METTL15: variants seen among roughly 807,000 people sequenced by gnomAD.
METTL15 encodes 12S rRNA N(4)-cytidine methyltransferase METTL15.
METTL15 carries 34 observed loss-of-function variants against 38.3 expected under a neutral mutation model. That is an observed-to-expected ratio of 0.89 (90% CI 0.68 to 1.18). The LOEUF (loss-of-function observed/expected upper bound fraction) is 1.18, where lower values mean the gene tolerates loss of function less well. Among genes scored for constraint, METTL15 ranks in the 50% most tolerant of loss-of-function variants. METTL15 has a pLI of 0.00. For missense variants in METTL15, 438 were observed against 498.4 expected (o/e 0.88, Z 1.15); for synonymous variants, 162 against 170.9 (o/e 0.95, Z 0.41).
intron 6 of METTL15, among the ~76,000 whole-genome samples, chr11:28,480,988 A>C (rs1331376219): frequency 6.6e-6 from 1 of 152,186 alleles, no homozygotes; most frequent in Non-Finnish European, 1.5e-5. Context: ...TCAAGAAGGT[A>C]ATGTTTAGGC....
At chr11:28,492,520 C>CCA (rs34573735) in intron 6 of METTL15, among the ~76,000 whole-genome samples, 119,223 of 147,086 alleles carry the variant, frequency 0.81, 49,532 homozygotes, top group Non-Finnish European at 0.92. Flanking sequence ...GCAACTGGAG[C>CCA]CACACACACA....
chr11:28,449,527 A>T (rs1256590598), intron 6 of METTL15, among the ~76,000 whole-genome samples: 1 of 152,212 alleles, frequency 6.6e-6, no homozygotes, highest in African/African-American at 2.4e-5. Context: ...GTTAATGTTT[A>T]TGAACCTTCT....
intron 6 of METTL15, among the ~76,000 whole-genome samples, chr11:28,504,881 G>C (rs574806132): frequency 6.6e-6 from 1 of 152,332 alleles, no homozygotes; most frequent in East Asian, 1.9e-4. Context: ...TCTCTGGCTA[G>C]TATAGAGCTG....
intron 6 of METTL15, among the ~76,000 whole-genome samples, chr11:28,514,432 G>T (rs1442154943): frequency 6.6e-6 from 1 of 152,210 alleles, no homozygotes; most frequent in African/African-American, 2.4e-5. Flanking sequence ...AAAAGAGAAT[G>T]CTAAGGAAAT....
chr11:28,244,570 G>A (rs1651756047), intron 4 of METTL15, among the ~76,000 whole-genome samples: 2 of 152,082 alleles, frequency 1.3e-5, no homozygotes, highest in Admixed American at 1.3e-4. Flanking sequence ...GTATGGCTCA[G>A]GAATCTGCAT....
At chr11:28,394,094 T>C (rs1850543381) in intron 5 of METTL15, among the ~76,000 whole-genome samples, 1 of 152,122 alleles carries the variant, frequency 6.6e-6, no homozygotes, top group Admixed American at 6.6e-5. Context: ...GGTTGGTGCC[T>C]TATTATTTTT....
intron 5 of METTL15, among the ~76,000 whole-genome samples, chr11:28,362,827 CAT>C (rs1850151669): frequency 6.6e-6 from 1 of 152,196 alleles, no homozygotes; most frequent in Non-Finnish European, 1.5e-5. Flanking sequence ...CTGCAACAAA[CAT>C]GTGGGTGCAT....
At chr11:28,482,405 A>T (rs1410918029) in intron 6 of METTL15, among the ~76,000 whole-genome samples, 1 of 152,204 alleles carries the variant, frequency 6.6e-6, no homozygotes, top group Non-Finnish European at 1.5e-5. Context: ...CTTGTCTATT[A>T]TATAGGGGTT....
intron 3 of METTL15, among the ~76,000 whole-genome samples, chr11:28,202,368 T>C (rs1359421008): frequency 6.6e-6 from 1 of 152,126 alleles, no homozygotes; most frequent in African/African-American, 2.4e-5. Flanking sequence ...GTTTAGTCCA[T>C]CTTGCCACTG....
At chr11:28,369,583 A>G (rs1045310963) in intron 5 of METTL15, among the ~76,000 whole-genome samples, 1 of 152,168 alleles carries the variant, frequency 6.6e-6, no homozygotes, top group East Asian at 1.9e-4. Flanking sequence ...AGGATACTCC[A>G]TAAATTATTA....
chr11:28,257,192 C>G (rs988323484), intron 4 of METTL15, among the ~76,000 whole-genome samples: 7 of 152,154 alleles, frequency 4.6e-5, no homozygotes, highest in East Asian at 1.9e-4. Flanking sequence ...TCTTTCAGCA[C>G]TTGAAATCTT....
In METTL15 at chr11:28,438,760, C is replaced by T. The variant is rs188823001; in HGVS notation, c.*424+14396C>T. Among the ~76,000 whole-genome samples, 80 of 150,528 alleles carry T rather than the reference C, an allele frequency of 5.3e-4. 1 individual carries two copies. Among genetic ancestry groups the T allele is most frequent in the East Asian group, 2.9e-3 (15 of 5,100 alleles). Reference sequence around the variant, plus strand: ...CACGAACTCGGCTCACTGCAACCTCCGCCTCCCAGGTTCAAACAATTCTCC... The same window carrying T: ...CACGAACTCGGCTCACTGCAACCTCTGCCTCCCAGGTTCAAACAATTCTCC... On this transcript the variant is annotated intron_variant and NMD_transcript_variant, in intron 6 of 7. Coordinates refer to the METTL15 transcript ENST00000532947.
intron 3 of METTL15, among the ~76,000 whole-genome samples, chr11:28,182,240 G>A (rs1193390377): frequency 1.3e-5 from 2 of 152,092 alleles, no homozygotes; most frequent in African/African-American, 4.8e-5. Flanking sequence ...CTTTTGCTGT[G>A]CAGAAGCTCT....
chr11:28,499,347 G>A (rs895008663), intron 6 of METTL15, among the ~76,000 whole-genome samples: 2 of 152,090 alleles, frequency 1.3e-5, no homozygotes, highest in African/African-American at 4.8e-5. Context: ...TAACATCCAG[G>A]TATGACACTT....
chr11:28,485,142 C>T (rs1851428117), intron 6 of METTL15, among the ~76,000 whole-genome samples: 1 of 151,572 alleles, frequency 6.6e-6, no homozygotes, highest in African/African-American at 2.4e-5. Context: ...CACACACACT[C>T]ACACCCCACA....
chr11:28,428,705 C>G lies in METTL15; in HGVS notation c.*424+4341C>G, dbSNP rs902095028. Reference sequence around the variant, plus strand: ...ATCTGACATAGGGGCTCAAGACCATCATTCTGACTGCTCATATGGCACATA... The same window carrying G: ...ATCTGACATAGGGGCTCAAGACCATGATTCTGACTGCTCATATGGCACATA... On this transcript the variant is annotated intron_variant and NMD_transcript_variant, in intron 6 of 7. Transcript: ENST00000532947. Among the ~76,000 whole-genome samples the G allele has an allele frequency of 2.6e-5, 4 of 152,306 alleles. No individual in the cohort carries two copies. The East Asian group carries it at 7.7e-4, about 29-fold the overall frequency.
At chr11:28,209,211 T>C (rs961330576) in intron 3 of METTL15, among the ~76,000 whole-genome samples, 10 of 152,174 alleles carry the variant, frequency 6.6e-5, no homozygotes, top group African/African-American at 2.4e-4. Context: ...AGGGTAATTG[T>C]ATCTAAATTG....
At chr11:28,150,821 G>T (rs370397947) in intron 3 of METTL15, among the ~76,000 whole-genome samples, 1 of 151,640 alleles carries the variant, frequency 6.6e-6, no homozygotes, top group Non-Finnish European at 1.5e-5. Context: ...TTTATCAAAG[G>T]TATTCTCAGG....
chr11:28,201,340 G>A (rs1385962256), intron 3 of METTL15, among the ~76,000 whole-genome samples: 1 of 152,052 alleles, frequency 6.6e-6, no homozygotes, highest in East Asian at 1.9e-4. Flanking sequence ...AGGGATATTG[G>A]CCTGAAGTTT....
Sources: gnomAD v4.1 joint callset for allele counts (sites outside exome capture counted in the v4.1 genomes callset) on GRCh38, gnomAD v4.1.1 for gene constraint, MANE v1.5 for transcripts, NCBI Gene and HGNC (gene_info 2026-07-23, HGNC 2026-07-21) for gene names.